TBK1: variants seen among roughly 807,000 people sequenced by gnomAD.
The protein encoded by TBK1 is serine/threonine-protein kinase TBK1.
In TBK1, 37 loss-of-function variants were observed where a neutral mutation model predicts 99.9. The ratio of observed to expected loss-of-function variants is 0.37; its 90% confidence interval spans 0.28 to 0.49. TBK1 has a LOEUF of 0.49. Among genes scored for constraint, TBK1 ranks in the 20% least tolerant of loss-of-function variants. The probability of loss-of-function intolerance (pLI) is 0.98; values close to 1 mark genes in which losing one functional copy is unlikely to be tolerated. For synonymous variants in TBK1, 258 were observed against 279.8 expected, an observed-to-expected ratio of 0.92 and a Z score of 0.78; for missense variants, 644 against 872.5, an observed-to-expected ratio of 0.74 and a Z score of 3.30.
chr12:64,486,405 T>G (rs2040820185), intron 11 of TBK1, among the ~76,000 whole-genome samples: 1 of 152,112 alleles, frequency 6.6e-6, no homozygotes, highest in African/African-American at 2.4e-5. Flanking sequence ...TTTTCCCAAA[T>G]GAAGTACACA....
intron 7 of TBK1, among the ~76,000 whole-genome samples, chr12:64,480,567 A>G (rs1231510881): frequency 2.6e-5 from 4 of 152,226 alleles, no homozygotes; most frequent in East Asian, 3.8e-4. Flanking sequence ...AGGGTGAGAA[A>G]TAATAGTTTT....
At chr12:64,476,662 T>G (rs767026206) in intron 6 of TBK1, among the ~76,000 whole-genome samples, 68 of 152,208 alleles carry the variant, frequency 4.5e-4, no homozygotes, top group Non-Finnish European at 9.3e-4. Flanking sequence ...GTGCCAAAGC[T>G]CTTTAGTTTA....
At chr12:64,457,310 C>A (rs1432589263) in intron 2 of TBK1, among the ~76,000 whole-genome samples, 1 of 152,180 alleles carries the variant, frequency 6.6e-6, no homozygotes, top group East Asian at 1.9e-4. Context: ...TAGCTTTCCT[C>A]CCCCTGTATC....
rs1010973230 is a variant in TBK1, at chr12:64,465,837, G to A, written c.359-1064G>A. Among the ~76,000 whole-genome samples the A allele has an allele frequency of 3.3e-5, 5 of 152,222 alleles. No homozygotes were observed. In the East Asian group the frequency reaches 9.6e-4, roughly 29 times the overall value. Reference sequence around the variant, plus strand: ...GTGACAAAAGTATTCTGAAATCAGTGGTGATGGTTGTATAACTCTGTGACC... The same window carrying A: ...GTGACAAAAGTATTCTGAAATCAGTAGTGATGGTTGTATAACTCTGTGACC... On this transcript the variant is annotated intron_variant, in intron 4 of 20. Transcript: ENST00000331710.
intron 2 of TBK1, among the ~76,000 whole-genome samples, chr12:64,457,216 G>C (rs957026971): frequency 2.0e-5 from 3 of 152,156 alleles, no homozygotes; most frequent in African/African-American, 7.2e-5. Context: ...GGGAGGGGCT[G>C]TTTCCTCTGG....
chr12:64,456,829 A>G (rs184710549), intron 2 of TBK1, among the ~76,000 whole-genome samples: 8 of 151,028 alleles, frequency 5.3e-5, no homozygotes, highest in South Asian at 2.1e-4. Context: ...GTGACAGAGC[A>G]AGACTCAATT....
intron 6 of TBK1, among the ~76,000 whole-genome samples, chr12:64,479,239 A>G (rs576576181): frequency 1.3e-5 from 2 of 152,318 alleles, no homozygotes; most frequent in African/African-American, 2.4e-5. Context: ...GCATTCCCCT[A>G]AGACTTTTGC....
At chr12:64,474,521 G>T in intron 6 of TBK1, 131 bp downstream of exon 6, 1 of 914,398 alleles carries the variant, frequency 1.1e-6, no homozygotes, top group Non-Finnish European at 1.6e-6. Flanking sequence ...TAAGCTACCT[G>T]GTTTTTAAAA....
intron 2 of TBK1, among the ~76,000 whole-genome samples, chr12:64,457,582 T>C (rs1012612700): frequency 2.0e-5 from 3 of 152,206 alleles, no homozygotes; most frequent in Non-Finnish European, 4.4e-5. Context: ...ATACTGCACA[T>C]TAACTGGACA....
chr12:64,481,828 C>A lies in TBK1; in HGVS notation c.813-14C>A. 6.6e-7 allele frequency: 1 copy of A among 1,523,880 alleles called. No individual in the cohort carries two copies. The highest frequency in any genetic ancestry group is 8.8e-7 in the Non-Finnish European group (1 of 1,139,152). 94.4% of individuals were successfully genotyped at this position (1,523,880 alleles called of 1,614,324 possible). A position where few individuals can be genotyped will look rare whatever the true frequency, so the allele number is the denominator to read the frequency against. ...TATATTCACTCTTCAAGTAACTTTTCAATACTATTTTAGGGGTCTTCAGGT... is the reference window on the plus strand; with the variant it reads ...TATATTCACTCTTCAAGTAACTTTTAAATACTATTTTAGGGGTCTTCAGGT... On this transcript the variant is annotated splice_polypyrimidine_tract_variant and intron_variant, in intron 7 of 20. Coordinates refer to ENST00000331710, the MANE Select transcript of TBK1 (RefSeq NM_013254.4).
intron 4 of TBK1, 68 bp downstream of exon 4, chr12:64,464,531 C>G: frequency 7.7e-7 from 1 of 1,297,726 alleles, no homozygotes; most frequent in Non-Finnish European, 1.0e-6. Context: ...TAAAAAATAT[C>G]TTCCATTCAA....
chr12:64,497,006 T>G lies in TBK1; in HGVS notation c.1818T>G (p.Val606=). 6.2e-7 allele frequency: 1 copy of G among 1,613,268 alleles called. No homozygotes were observed. The highest frequency in any genetic ancestry group is 1.1e-5 in the South Asian group (1 of 90,960). ...TGACGCACTTTACAGATGAATGTGT[T>G]AAAAAGTATGAGGCATTTTTGAATA... is the stretch of plus-strand genomic sequence containing the variant. ...KAMTHFTDEC[V]KKYEAFLNKS... The change falls in exon 17 of 21, where the codon GTT becomes GTG. Residue 606 remains valine, a synonymous_variant. Transcript: ENST00000331710.
At chr12:64,476,629 T>C (rs2040716909) in intron 6 of TBK1, among the ~76,000 whole-genome samples, 1 of 152,192 alleles carries the variant, frequency 6.6e-6, no homozygotes, top group South Asian at 2.1e-4. Context: ...TGTCTGTTTA[T>C]TCTGTTGAGA....
At chr12:64,465,202 G>A (rs2040589345) in intron 4 of TBK1, among the ~76,000 whole-genome samples, 1 of 127,722 alleles carries the variant, frequency 7.8e-6, no homozygotes, top group Admixed American at 1.0e-4. Context: ...CCTTGATTGT[G>A]CCACTGCACT....
At chr12:64,455,746 G>A (rs1024469717) in intron 1 of TBK1, 94 bp from the exon 2 acceptor site, 12 of 642,566 alleles carry the variant, frequency 1.9e-5, no homozygotes, top group Non-Finnish European at 3.3e-5. Flanking sequence ...AACAGATAAT[G>A]GGTGATCTTA....
intron 11 of TBK1, among the ~76,000 whole-genome samples, 186 bp from the exon 12 acceptor site, chr12:64,488,301 T>C (rs1259602130): frequency 6.6e-6 from 1 of 152,214 alleles, no homozygotes; most frequent in Admixed American, 6.5e-5. Flanking sequence ...TGTGAAAATA[T>C]GAGTTCCCTA....
Position 64,481,920 on chromosome 12 carries a change from G to A in TBK1, c.891G>A (p.Gln297=). 6.2e-7 allele frequency: 1 copy of A among 1,612,220 alleles called. No homozygotes were observed. The highest frequency in any genetic ancestry group is 1.7e-5 in the Admixed American group (1 of 59,674). ...ADQEKCWGFD[Q]FFAETSDILH... is the part of the protein sequence containing the mutation. Reference sequence around the variant, plus strand: ...AGGAAAAGTGTTGGGGTTTTGACCAGTTTTTTGCAGAAACTAGTGATATAC... The same window carrying A: ...AGGAAAAGTGTTGGGGTTTTGACCAATTTTTTGCAGAAACTAGTGATATAC... The change falls in exon 8 of 21, where the codon CAG becomes CAA. Residue 297 remains glutamine, a synonymous_variant. Transcript: ENST00000331710.
In TBK1 at chr12:64,483,503, T is replaced by A. The variant is rs532164708; in HGVS notation, c.993-800T>A. On this transcript the variant is annotated intron_variant, in intron 8 of 20. Coordinates refer to ENST00000331710, the MANE Select transcript of TBK1 (RefSeq NM_013254.4). ...CATAACAAGTGCTGTTCTTGGTTCTTTACATATTTAAGCCATTTAATCCTC... is the reference window on the plus strand; with the variant it reads ...CATAACAAGTGCTGTTCTTGGTTCTATACATATTTAAGCCATTTAATCCTC... 7.2e-5 allele frequency among the ~76,000 whole-genome samples: 11 copies of A among 152,352 alleles called. No homozygotes were observed. In the South Asian group the frequency reaches 2.3e-3, roughly 32 times the overall value.
intron 5 of TBK1, 26 bp from the exon 6 acceptor site, chr12:64,474,200 ATGAT>A: frequency 3.2e-6 from 5 of 1,584,806 alleles, no homozygotes; most frequent in Non-Finnish European, 4.3e-6. Flanking sequence ...TCACAGGTTC[ATGAT>A]TTTTTTCTTT....
Sources: allele counts gnomAD v4.1 joint callset (sites outside exome capture counted in the v4.1 genomes callset), GRCh38; gene constraint gnomAD v4.1.1; transcripts MANE v1.5; gene names NCBI Gene and HGNC (gene_info 2026-07-23, HGNC 2026-07-21).